Variants in CHMP3 observed in about 807,000 individuals in gnomAD.
The protein encoded by CHMP3 is charged multivesicular body protein 3, also known as 25.1 protein.
CHMP3 carries 8 observed loss-of-function variants against 27.4 expected under a neutral mutation model. The observed-to-expected ratio is 0.29, with a 90% CI of 0.17 to 0.53. The LOEUF (loss-of-function observed/expected upper bound fraction) is 0.53, where lower values mean the gene tolerates loss of function less well. CHMP3 is among the 20% of genes least tolerant of loss of function. CHMP3 has a pLI of 0.96. For missense variants in CHMP3, 208 were observed against 271.5 expected (o/e 0.77, Z 1.64); for synonymous variants, 86 against 85.5 (o/e 1.01, Z -0.03).
chr2:86,521,396 T>C (rs1303389422), intron 3 of CHMP3, among the ~76,000 whole-genome samples: 3 of 152,304 alleles, frequency 2.0e-5, no homozygotes, highest in Admixed American at 1.3e-4. Context: ...AAAATATACA[T>C]AACATAAAAT....
intron 1 of CHMP3, among the ~76,000 whole-genome samples, chr2:86,544,830 C>T (rs1239217879): frequency 6.6e-6 from 1 of 152,236 alleles, no homozygotes; most frequent in Non-Finnish European, 1.5e-5. Flanking sequence ...GTCATCATGG[C>T]CCGTTCTTGA....
chr2:86,504,135 T>G lies in CHMP3; in HGVS notation c.*1669A>C, dbSNP rs932097258. The G allele has an allele frequency of 8.5e-5, 13 of 152,102 alleles. No homozygotes were observed. The highest frequency in any genetic ancestry group is 1.8e-4 in the Non-Finnish European group (12 of 68,016). The allele number at this position is 152,102 out of a possible 1,614,324, so 9.4% of individuals were successfully genotyped here. On this transcript the variant is annotated 3_prime_UTR_variant, in exon 6 of 6. Coordinates refer to ENST00000263856, the MANE Select transcript of CHMP3 (RefSeq NM_016079.4). Reference sequence around the variant, plus strand: ...GATGAACAGGTGAAGCATAGAGAAGTTTTAGGGCAGTGAAACTATTCTGTA... The same window carrying G: ...GATGAACAGGTGAAGCATAGAGAAGGTTTAGGGCAGTGAAACTATTCTGTA...
chr2:86,518,679 G>T (rs1005344790), intron 3 of CHMP3, among the ~76,000 whole-genome samples: 5 of 152,026 alleles, frequency 3.3e-5, no homozygotes, highest in Non-Finnish European at 7.4e-5. Context: ...CCTGGTTTCT[G>T]CCCACTAGAT....
chr2:86,510,277 C>CCCCCCCAAA, intron 4 of CHMP3, 81 bp downstream of exon 4: 1 of 1,118,946 alleles, frequency 8.9e-7, no homozygotes. Context: ...CATCCCCACC[C>CCCCCCCAAA]ACCCTCATCC....
chr2:86,553,034 T>G, intron 1 of CHMP3, among the ~76,000 whole-genome samples: 1 of 127,794 alleles, frequency 7.8e-6, no homozygotes, highest in South Asian at 2.5e-4. Context: ...TGGGGGCAGC[T>G]TGATGGGGGA....
intron 3 of CHMP3, among the ~76,000 whole-genome samples, chr2:86,524,250 A>G (rs1675618254): frequency 6.6e-6 from 1 of 152,208 alleles, no homozygotes; most frequent in Non-Finnish European, 1.5e-5. Context: ...TGTAGGATAC[A>G]AGTCCCCAGG....
intron 3 of CHMP3, among the ~76,000 whole-genome samples, chr2:86,526,396 A>C (rs1675711092): frequency 6.6e-6 from 1 of 152,222 alleles, no homozygotes; most frequent in Non-Finnish European, 1.5e-5. Flanking sequence ...AAAGGTGAAA[A>C]GGTATGGAAA....
intron 3 of CHMP3, among the ~76,000 whole-genome samples, chr2:86,527,827 G>C (rs1462766370): frequency 2.0e-5 from 3 of 152,070 alleles, no homozygotes; most frequent in African/African-American, 7.3e-5. Flanking sequence ...TGGGAGTAGT[G>C]GTGGGCACCT....
intron 4 of CHMP3, 66 bp downstream of exon 4, chr2:86,510,292 C>A (rs1675050127): frequency 2.0e-6 from 3 of 1,516,016 alleles, no homozygotes; most frequent in Non-Finnish European, 2.7e-6. Context: ...TCATCCCTAG[C>A]CCCCTGTTAC....
intron 1 of CHMP3, chr2:86,561,828 G>T (rs1677383252): frequency 6.6e-6 from 1 of 152,162 alleles, no homozygotes; most frequent in African/African-American, 2.4e-5. Flanking sequence ...ACATATACTA[G>T]AGACTAGTTT....
intron 3 of CHMP3, among the ~76,000 whole-genome samples, chr2:86,517,583 A>AG (rs1675364071): frequency 6.6e-6 from 1 of 151,906 alleles, no homozygotes; most frequent in African/African-American, 2.4e-5. Context: ...AAAAAAAAAA[A>AG]AAATTAGTTT....
intron 2 of CHMP3, among the ~76,000 whole-genome samples, chr2:86,532,183 T>C (rs1675948891): frequency 6.6e-6 from 1 of 152,206 alleles, no homozygotes; most frequent in Non-Finnish European, 1.5e-5. Context: ...GTTAAGTAAA[T>C]TCCTAAGTAT....
chr2:86,556,048 A>G (rs566427768), intron 1 of CHMP3, among the ~76,000 whole-genome samples: 49 of 152,380 alleles, frequency 3.2e-4, no homozygotes, highest in African/African-American at 1.2e-3. Flanking sequence ...CTGGAAAAAT[A>G]TAACAAGCAA....
intron 3 of CHMP3, among the ~76,000 whole-genome samples, chr2:86,528,699 T>A (rs556277001): frequency 7.9e-5 from 12 of 152,312 alleles, no homozygotes; most frequent in African/African-American, 1.9e-4. Flanking sequence ...ATTTTAAATA[T>A]CATGAGTTCC....
At chr2:86,530,231 G>A (rs556369818) in intron 2 of CHMP3, among the ~76,000 whole-genome samples, 2 of 152,224 alleles carry the variant, frequency 1.3e-5, no homozygotes, top group South Asian at 2.1e-4. Context: ...GACCTCAGGT[G>A]ATCCACCTGC....
intron 1 of CHMP3, among the ~76,000 whole-genome samples, chr2:86,545,796 C>A (rs1362772474): frequency 6.8e-6 from 1 of 147,340 alleles, no homozygotes; most frequent in Non-Finnish European, 1.5e-5. Context: ...GCGCTCCTCA[C>A]CTCCCAGATG....
chr2:86,544,352 T>C (rs1262147375), intron 1 of CHMP3, among the ~76,000 whole-genome samples: 1 of 151,910 alleles, frequency 6.6e-6, no homozygotes, highest in Non-Finnish European at 1.5e-5. Context: ...TTTTTTTTTT[T>C]TTTTAGTACT....
Position 86,559,375 on chromosome 2 carries a change from C to A in CHMP3, c.45+3929G>T, listed in dbSNP as rs112600839. 3.5e-3 allele frequency among the ~76,000 whole-genome samples: 527 copies of A among 152,338 alleles called. 6 individuals carry two copies. Among genetic ancestry groups the A allele is most frequent in the African/African-American group, 0.012 (508 of 41,580 alleles). On this transcript the variant is annotated intron_variant, in intron 1 of 5. Transcript: ENST00000263856. ...CTTCTCTGGGTCTCCAGCTTACAGA[C>A]AGCATATGATAGTACTTCTCAGCCT... is the stretch of plus-strand genomic sequence containing the variant.
Position 86,505,826 on chromosome 2 carries a change from C to A in CHMP3, c.647G>T (p.Arg216Leu). 6.3e-7 allele frequency: 1 copy of A among 1,593,812 alleles called. No individual in the cohort carries two copies. Among genetic ancestry groups the A allele is most frequent in the South Asian group, 1.1e-5 (1 of 88,234 alleles). Residue 216 changes from arginine (R) to leucine (L), a missense_variant, in exon 6 of 6, where the codon CGG becomes CTG. Transcript: ENST00000263856. ...EEEALEAMQS[R>L]LATLRS ...CCCCTAGCTGCGGAGTGTGGCCAGC[C>A]GGGACTGCATGGCCTCCAGAGCCTC...
Sources: allele counts gnomAD v4.1 joint callset (sites outside exome capture counted in the v4.1 genomes callset), GRCh38; gene constraint gnomAD v4.1.1; transcripts MANE v1.5; gene names NCBI Gene and HGNC (gene_info 2026-07-23, HGNC 2026-07-21).